The following AHI1 variants were observed in gnomAD, a reference collection of about 807,000 sequenced individuals.
The protein encoded by AHI1 is jouberin.
AHI1 carries 123 observed loss-of-function variants against 149.3 expected under a neutral mutation model. The observed-to-expected ratio is 0.82, with a 90% confidence interval of 0.71 to 0.96. The LOEUF (loss-of-function observed/expected upper bound fraction) is 0.96. AHI1 is among the 40% of genes least tolerant of loss of function. The probability of loss-of-function intolerance (pLI) is 0.00; values close to 1 mark genes in which losing one functional copy is unlikely to be tolerated. For synonymous variants in AHI1, 475 were observed against 459.8 expected, an observed-to-expected ratio of 1.03 and a Z score of -0.42; for missense variants, 1,439 against 1,422.7, an observed-to-expected ratio of 1.01 and a Z score of -0.18.
rs533584450 is a variant in AHI1 at position 135,333,910 on chromosome 6, T to C, written c.3166-10586A>G. Among the ~76,000 whole-genome samples the C allele has an allele frequency of 1.9e-3, 282 of 152,336 alleles. 1 individual carries two copies. Among genetic ancestry groups the C allele is most frequent in the African/African-American group, 6.6e-3 (274 of 41,574 alleles). On this transcript the variant is annotated intron_variant, in intron 24 of 28. Coordinates refer to ENST00000265602, the MANE Select transcript of AHI1 (RefSeq NM_001134831.2). Reference sequence around the variant, plus strand: ...CAGCATTCATAGATTTTAAGGTAAATTGAAAATATTAATTTATTGGATAAC... The same window carrying C: ...CAGCATTCATAGATTTTAAGGTAAACTGAAAATATTAATTTATTGGATAAC...
At chr6:135,394,236 A>G (rs962634942) in intron 23 of AHI1, among the ~76,000 whole-genome samples, 1 of 152,044 alleles carries the variant, frequency 6.6e-6, no homozygotes, top group Non-Finnish European at 1.5e-5. Context: ...TTTTCCTTTG[A>G]CATCCTTTAA....
At chr6:135,364,268 A>G (rs1794522128) in intron 23 of AHI1, among the ~76,000 whole-genome samples, 1 of 150,724 alleles carries the variant, frequency 6.6e-6, no homozygotes, top group Non-Finnish European at 1.5e-5. Context: ...GGCAGGGCAG[A>G]GGTGCTCCCC....
intron 23 of AHI1, among the ~76,000 whole-genome samples, chr6:135,383,623 T>C (rs1321767758): frequency 6.6e-6 from 1 of 152,104 alleles, no homozygotes; most frequent in Non-Finnish European, 1.5e-5. Context: ...CAAAGGCATG[T>C]ATTAAGTGTA....
chr6:135,387,343 T>C (rs1351164275), intron 23 of AHI1, among the ~76,000 whole-genome samples: 2 of 152,230 alleles, frequency 1.3e-5, no homozygotes, highest in Non-Finnish European at 2.9e-5. Context: ...TTGCTTTTGT[T>C]CTATTTTAAT....
At chr6:135,328,226 AAC>A (rs1399296436) in intron 24 of AHI1, among the ~76,000 whole-genome samples, 5 of 152,166 alleles carry the variant, frequency 3.3e-5, no homozygotes, top group Non-Finnish European at 7.4e-5. Flanking sequence ...GTGGTGTGAG[AAC>A]ACAGTGAAAA....
At chr6:135,415,508 T>A (rs201621211) in intron 20 of AHI1, among the ~76,000 whole-genome samples, 3 of 152,180 alleles carry the variant, frequency 2.0e-5, no homozygotes, top group Non-Finnish European at 2.9e-5. Context: ...TTGCCAAGAT[T>A]GGCCATTTCA....
At position 135,428,682 on chromosome 6, in the gene AHI1, A is replaced by ACT. The variant is rs773278338; in HGVS notation, c.2569_2570insAG (p.Phe857Ter). 1.2e-6 allele frequency: 2 copies of ACT among 1,609,242 alleles called. No individual in the cohort carries two copies. Among genetic ancestry groups the ACT allele is most frequent in the South Asian group, 2.2e-5 (2 of 90,376 alleles). The change falls in exon 19 of 29, where the codon TTT (phenylalanine) becomes TAGTT (stop). Residue 857 changes from phenylalanine (F) to a stop codon, truncating the protein, a stop_gained and frameshift_variant. Coordinates refer to ENST00000265602, the MANE Select transcript of AHI1 (RefSeq NM_001134831.2). LOFTEE classifies it high-confidence loss of function. The part of the protein sequence containing the change: ...IHSTLTPCGT[F>*]LFAGSEDGIV... ...ACCATCCTCACTTCCAGCAAACAGA[A>ACT]AAGTCCCACATGGAGTCAAAGTACT...
At chr6:135,482,478 T>G (rs1417764896) in intron 5 of AHI1, among the ~76,000 whole-genome samples, 2 of 152,012 alleles carry the variant, frequency 1.3e-5, no homozygotes, top group East Asian at 1.9e-4. Flanking sequence ...TGTTTTTTTT[T>G]TTGTTTGTTT....
At chr6:135,478,077 A>G (rs1285244613) in intron 5 of AHI1, among the ~76,000 whole-genome samples, 1 of 152,212 alleles carries the variant, frequency 6.6e-6, no homozygotes, top group Non-Finnish European at 1.5e-5. Context: ...CTGGGATTAC[A>G]GGCATGAGCC....
At chr6:135,471,910 G>A (rs1791768073) in intron 5 of AHI1, among the ~76,000 whole-genome samples, 1 of 150,896 alleles carries the variant, frequency 6.6e-6, no homozygotes, top group Non-Finnish European at 1.5e-5. Flanking sequence ...TACTGGGGAG[G>A]CTGAGGCAGG....
chr6:135,365,141 G>T (rs895607905), intron 23 of AHI1, among the ~76,000 whole-genome samples: 1 of 152,120 alleles, frequency 6.6e-6, no homozygotes, highest in Non-Finnish European at 1.5e-5. Flanking sequence ...AAGTATGTGG[G>T]TTTATTTCTG....
rs186281654 is a variant in AHI1 at position 135,454,933 on chromosome 6, T to C, written c.1344+801A>G. Among the ~76,000 whole-genome samples, 369 of 152,240 alleles carry C rather than the reference T, an allele frequency of 2.4e-3. 2 individuals are homozygous for C. Among genetic ancestry groups the C allele is most frequent in the African/African-American group, 8.3e-3 (343 of 41,560 alleles). On this transcript the variant is annotated intron_variant, in intron 10 of 28. Transcript: ENST00000265602. Reference sequence around the variant, plus strand: ...GAAAGTCAAGGATCATAAAAACAAGTAATTCTACAAAATGAATCTTCGGCA... The same window carrying C: ...GAAAGTCAAGGATCATAAAAACAAGCAATTCTACAAAATGAATCTTCGGCA...
At chr6:135,310,043 C>G (rs1784983122) in intron 26 of AHI1, among the ~76,000 whole-genome samples, 1 of 151,996 alleles carries the variant, frequency 6.6e-6, no homozygotes, top group African/African-American at 2.4e-5. Flanking sequence ...AGAAAAGAAG[C>G]AACAATTATG....
At position 135,428,749 on chromosome 6, in the gene AHI1, T is replaced by C; in HGVS notation, c.2503A>G (p.Arg835Gly). The change falls in exon 19 of 29, where the codon AGG becomes GGG. Residue 835 changes from arginine to glycine, a missense_variant. By Grantham distance (125) the Arg-to-Gly change is moderately radical (BLOSUM62 -2). Transcript: ENST00000265602. The stretch of plus-strand genomic sequence containing the variant: ...TAATTTGCTGCTCCTACAAACTTCC[T>C]TGCTACTAATCTACAAGCAAAAAAG... ...RIMDLRILVA[R>G]KFVGAANYRE... 6.2e-7 allele frequency: 1 copy of C among 1,602,298 alleles called. No individual in the cohort carries two copies. The highest frequency in any genetic ancestry group is 8.5e-7 in the Non-Finnish European group (1 of 1,173,418).
chr6:135,330,635 A>G (rs998434639), intron 24 of AHI1, among the ~76,000 whole-genome samples: 2 of 152,234 alleles, frequency 1.3e-5, no homozygotes, highest in African/African-American at 4.8e-5. Context: ...GTATGACTGT[A>G]CAGAATTGCT....
At position 135,427,694 on chromosome 6, in the gene AHI1, T is replaced by C. The variant is rs114930139; in HGVS notation, c.2624-387A>G. Among the ~76,000 whole-genome samples the C allele has an allele frequency of 9.5e-3, 1,439 of 151,374 alleles. 32 individuals carry two copies. The highest frequency in any genetic ancestry group is 0.033 in the African/African-American group (1,376 of 41,386). On this transcript the variant is annotated intron_variant, in intron 19 of 28. Coordinates refer to ENST00000265602, the MANE Select transcript of AHI1 (RefSeq NM_001134831.2). ...TACAGGACTCTAAAACTAAAGAAAC[T>C]CTAGTTGGGTGAGCTTTGGTGAAGG...
intron 25 of AHI1, among the ~76,000 whole-genome samples, chr6:135,321,844 T>A (rs1228647486): frequency 6.6e-6 from 1 of 152,176 alleles, no homozygotes; most frequent in Admixed American, 6.5e-5. Flanking sequence ...GCTCTGTTGC[T>A]GGGCTGGAGT....
At chr6:135,419,039 A>G (rs561731659) in intron 20 of AHI1, among the ~76,000 whole-genome samples, 1 of 151,512 alleles carries the variant, frequency 6.6e-6, no homozygotes, top group Non-Finnish European at 1.5e-5. Context: ...AGTTCTATAG[A>G]CTTAACACTT....
chr6:135,485,407 TCTTC>T (rs1794331581), intron 5 of AHI1, among the ~76,000 whole-genome samples: 2 of 152,280 alleles, frequency 1.3e-5, no homozygotes, highest in South Asian at 4.1e-4. Flanking sequence ...TTTCAGTTAA[TCTTC>T]CTTTTGTATT....
Sources: gnomAD v4.1 joint callset for allele counts (sites outside exome capture counted in the v4.1 genomes callset) on GRCh38, gnomAD v4.1.1 for gene constraint, MANE v1.5 for transcripts, NCBI Gene and HGNC (gene_info 2026-07-23, HGNC 2026-07-21) for gene names.